ADAMTS12: variants seen among roughly 807,000 people sequenced by gnomAD.
ADAMTS12 encodes ADAM metallopeptidase with thrombospondin type 1 motif 12, also known as A disintegrin and metalloproteinase with thrombospondin motifs 12.
A neutral mutation model predicts 167.8 loss-of-function variants in ADAMTS12; 118 were observed. The observed-to-expected ratio is 0.70, with a 90% CI of 0.61 to 0.82. The LOEUF (loss-of-function observed/expected upper bound fraction) is 0.82, where lower values mean the gene tolerates loss of function less well. Ranked by LOEUF, ADAMTS12 falls within the 40% of genes least tolerant of loss-of-function variation. ADAMTS12 has a pLI of 0.00. For missense variants in ADAMTS12, 1,916 were observed against 1,998.8 expected (o/e 0.96, Z 0.79); for synonymous variants, 704 against 716.9 (o/e 0.98, Z 0.29).
At chr5:33,784,157 T>A (rs549557068) in intron 2 of ADAMTS12, among the ~76,000 whole-genome samples, 1 of 152,008 alleles carries the variant, frequency 6.6e-6, no homozygotes, top group East Asian at 1.9e-4. Flanking sequence ...AATCACTACC[T>A]ATACATAACA....
intron 19 of ADAMTS12, among the ~76,000 whole-genome samples, chr5:33,566,226 G>C (rs529468558): frequency 6.6e-6 from 1 of 152,300 alleles, no homozygotes; most frequent in East Asian, 1.9e-4. Context: ...ACTTTGGGAG[G>C]CTGAGGCAGA....
At chr5:33,565,832 T>C (rs886448285) in intron 19 of ADAMTS12, among the ~76,000 whole-genome samples, 1 of 152,210 alleles carries the variant, frequency 6.6e-6, no homozygotes, top group African/African-American at 2.4e-5. Context: ...ACAGTAATCA[T>C]AGTTGATGCG....
intron 3 of ADAMTS12, among the ~76,000 whole-genome samples, chr5:33,713,204 A>C (rs1743468049): frequency 6.6e-6 from 1 of 152,112 alleles, no homozygotes; most frequent in Non-Finnish European, 1.5e-5. Context: ...CCAGTCAGGG[A>C]GCTATACTTA....
intron 2 of ADAMTS12, among the ~76,000 whole-genome samples, chr5:33,855,535 T>C (rs1749366091): frequency 6.6e-6 from 1 of 152,194 alleles, no homozygotes; most frequent in Non-Finnish European, 1.5e-5. Context: ...GTGATTAAAA[T>C]AAAAATTGTC....
In ADAMTS12 at chr5:33,804,227, T is replaced by C. The variant is rs377349503; in HGVS notation, c.490-52679A>G. Among the ~76,000 whole-genome samples, 3 of 152,196 alleles carry C rather than the reference T, an allele frequency of 2.0e-5. No homozygotes were observed. In the East Asian group the frequency reaches 5.8e-4, roughly 29 times the overall value. On this transcript the variant is annotated intron_variant, in intron 2 of 23. Coordinates refer to ENST00000504830, the MANE Select transcript of ADAMTS12 (RefSeq NM_030955.4). ...TATATATTCCCTTCCTCTTCCCCCATCTTCATATATAGAGTTCCCTGCCCC... is the reference window on the plus strand; with the variant it reads ...TATATATTCCCTTCCTCTTCCCCCACCTTCATATATAGAGTTCCCTGCCCC...
chr5:33,534,482 T>C (rs965678558), intron 23 of ADAMTS12, among the ~76,000 whole-genome samples: 2 of 152,098 alleles, frequency 1.3e-5, no homozygotes, highest in East Asian at 1.9e-4. Context: ...CTTGACTGGG[T>C]TCCTAAGAAA....
At chr5:33,605,290 C>G (rs1738380930) in intron 16 of ADAMTS12, among the ~76,000 whole-genome samples, 1 of 152,210 alleles carries the variant, frequency 6.6e-6, no homozygotes, top group African/African-American at 2.4e-5. Flanking sequence ...GTTCTAGCCA[C>G]TGTATTATTT....
chr5:33,724,043 G>A (rs1743892992), intron 3 of ADAMTS12, among the ~76,000 whole-genome samples: 1 of 152,176 alleles, frequency 6.6e-6, no homozygotes, highest in Admixed American at 6.5e-5. Context: ...AGCACAAGCT[G>A]GATCCAGAGT....
chr5:33,817,515 T>C (rs771088701), intron 2 of ADAMTS12, among the ~76,000 whole-genome samples: 8 of 152,116 alleles, frequency 5.3e-5, no homozygotes, highest in Non-Finnish European at 1.0e-4. Context: ...ATTACAAAAA[T>C]AGAATGGTAT....
intron 5 of ADAMTS12, among the ~76,000 whole-genome samples, chr5:33,666,041 TA>T (rs1382745193): frequency 6.6e-6 from 1 of 152,252 alleles, no homozygotes; most frequent in Non-Finnish European, 1.5e-5. Context: ...AAAGGGTATT[TA>T]AACTCCCCAA....
chr5:33,651,745 A>G (rs981562335), intron 7 of ADAMTS12, among the ~76,000 whole-genome samples: 1 of 152,194 alleles, frequency 6.6e-6, no homozygotes, highest in African/African-American at 2.4e-5. Context: ...CCTATCACCC[A>G]AATGGTGAAC....
At chr5:33,849,585 A>AAT (rs1267682415) in intron 2 of ADAMTS12, among the ~76,000 whole-genome samples, 2 of 91,352 alleles carry the variant, frequency 2.2e-5, no homozygotes, top group African/African-American at 6.5e-5. Context: ...ATTGCATAGC[A>AAT]ATACACATAT....
intron 19 of ADAMTS12, among the ~76,000 whole-genome samples, chr5:33,568,605 T>G (rs181252219): frequency 6.6e-6 from 1 of 152,356 alleles, no homozygotes; most frequent in East Asian, 1.9e-4. Flanking sequence ...GTGAGACACT[T>G]ACCTACTCAT....
rs1357810466 is a variant in ADAMTS12, at chr5:33,778,717, CA to C, written c.490-27170del. Among the ~76,000 whole-genome samples the C allele has an allele frequency of 2.0e-5, 3 of 151,980 alleles. 1 individual carries two copies. Among genetic ancestry groups the C allele is most frequent in the Non-Finnish European group, 4.4e-5 (3 of 67,964 alleles). On this transcript the variant is annotated intron_variant, in intron 2 of 23. Coordinates refer to ENST00000504830, the MANE Select transcript of ADAMTS12 (RefSeq NM_030955.4). The stretch of plus-strand genomic sequence containing the variant: ...CTTCTGCACAGCAAAGAAAAAAAAT[CA>C]ACAGAGTAAACAGACAACGTAGGAA...
chr5:33,853,083 C>A (rs192117305), intron 2 of ADAMTS12, among the ~76,000 whole-genome samples: 1 of 152,164 alleles, frequency 6.6e-6, no homozygotes, highest in African/African-American at 2.4e-5. Context: ...ACTGTCCTCC[C>A]GGAACCGAGC....
At chr5:33,751,625 A>G in intron 2 of ADAMTS12, 77 bp from the exon 3 acceptor site, 1 of 1,435,070 alleles carries the variant, frequency 7.0e-7, no homozygotes, top group Non-Finnish European at 9.6e-7. Flanking sequence ...AAAATTATAT[A>G]GCTTATGAGT....
chr5:33,739,525 A>G (rs1389345835), intron 3 of ADAMTS12, among the ~76,000 whole-genome samples: 2 of 152,220 alleles, frequency 1.3e-5, no homozygotes, highest in African/African-American at 4.8e-5. Context: ...ATCTGATGCC[A>G]GGATAAGGAG....
chr5:33,885,497 A>T (rs1020059391), intron 1 of ADAMTS12, among the ~76,000 whole-genome samples: 2 of 152,216 alleles, frequency 1.3e-5, no homozygotes, highest in African/African-American at 4.8e-5. Context: ...TAATAAAAAA[A>T]AATTGTAGTT....
intron 19 of ADAMTS12, among the ~76,000 whole-genome samples, chr5:33,561,529 T>C (rs1260808890): frequency 1.3e-5 from 2 of 152,190 alleles, no homozygotes; most frequent in Non-Finnish European, 2.9e-5. Context: ...ATGCCTTTAA[T>C]CCCAACACTA....
Sources: gnomAD v4.1 joint callset for allele counts (sites outside exome capture counted in the v4.1 genomes callset) on GRCh38, gnomAD v4.1.1 for gene constraint, MANE v1.5 for transcripts, NCBI Gene and HGNC (gene_info 2026-07-23, HGNC 2026-07-21) for gene names.